Variants in PAFAH1B1 observed in about 807,000 individuals in gnomAD.
PAFAH1B1 encodes the protein platelet-activating factor acetylhydrolase IB subunit beta.
A neutral mutation model predicts 57.5 loss-of-function variants in PAFAH1B1; 2 were observed. That is an observed-to-expected ratio of 0.03 (90% CI 0.01 to 0.11). The LOEUF is 0.11. Among genes scored for constraint, PAFAH1B1 ranks in the 10% least tolerant of loss-of-function variants. The pLI, the probability that PAFAH1B1 is intolerant of heterozygous loss-of-function variation, is 1.00. For missense variants in PAFAH1B1, 257 were observed against 512.0 expected (o/e 0.50, Z 4.81); for synonymous variants, 152 against 169.6 (o/e 0.90, Z 0.81).
intron 2 of PAFAH1B1, among the ~76,000 whole-genome samples, chr17:2,652,147 C>T (rs551384732): frequency 7.6e-5 from 6 of 78,902 alleles, no homozygotes; most frequent in Admixed American, 1.7e-4. Flanking sequence ...CACAGTGGCT[C>T]ACGCCTGTAA....
chr17:2,660,823 C>T (rs968844447), intron 2 of PAFAH1B1, among the ~76,000 whole-genome samples: 2 of 152,202 alleles, frequency 1.3e-5, no homozygotes, highest in African/African-American at 4.8e-5. Context: ...TGAGGAATCA[C>T]CACACTATCT....
At chr17:2,653,472 G>T (rs915276248) in intron 2 of PAFAH1B1, among the ~76,000 whole-genome samples, 1 of 151,694 alleles carries the variant, frequency 6.6e-6, no homozygotes, top group African/African-American at 2.4e-5. Context: ...CTATAATAAG[G>T]CATGAAAGTA....
Position 2,683,205 on chromosome 17 carries a change from A to G in PAFAH1B1, c.*1403A>G, listed in dbSNP as rs2069412441. On this transcript the variant is annotated 3_prime_UTR_variant, in exon 11 of 11. Transcript: ENST00000397195. ...GGATATGTTGTATATTTTGACCCAA[A>G]GTTACAGGTAGGTTTAAGAGAATTT... 1 of 152,178 alleles carries G rather than the reference A, an allele frequency of 6.6e-6. No individual in the cohort carries two copies. The highest frequency in any genetic ancestry group is 2.1e-4 in the South Asian group (1 of 4,834). 9.4% of individuals were successfully genotyped at this position (152,178 alleles called of 1,614,324 possible).
At position 2,602,952 on chromosome 17, in the gene PAFAH1B1, A is replaced by G. The variant is rs373979695; in HGVS notation, c.-191+8946A>G. On this transcript the variant is annotated intron_variant, in intron 1 of 10. Coordinates refer to ENST00000397195, the MANE Select transcript of PAFAH1B1 (RefSeq NM_000430.4). ...GTACTGTGCTGACTCCCTCTTTCCT[A>G]TAGTCCACATACTTTAACACAGTTT... Among the ~76,000 whole-genome samples, 6 of 152,124 alleles carry G rather than the reference A, an allele frequency of 3.9e-5. No homozygotes were observed. The South Asian group carries it at 6.2e-4, about 16-fold the overall frequency.
intron 2 of PAFAH1B1, among the ~76,000 whole-genome samples, chr17:2,651,413 CAA>C (rs1157501996): frequency 0.014 from 725 of 53,312 alleles, 3 homozygotes; most frequent in Middle Eastern, 0.048. Context: ...CCCGTCTCTA[CAA>C]AAAAAAAAAA....
intron 2 of PAFAH1B1, among the ~76,000 whole-genome samples, chr17:2,644,779 G>T (rs2068744500): frequency 6.6e-6 from 1 of 152,020 alleles, no homozygotes; most frequent in African/African-American, 2.4e-5. Context: ...CTGTCTTCCA[G>T]ATGCTTTGTA....
intron 1 of PAFAH1B1, among the ~76,000 whole-genome samples, chr17:2,604,578 A>C (rs1028567599): frequency 2.0e-5 from 3 of 152,030 alleles, no homozygotes; most frequent in Admixed American, 6.6e-5. Context: ...CGAGAGGCTG[A>C]GGTGGGTGGA....
intron 1 of PAFAH1B1, among the ~76,000 whole-genome samples, chr17:2,620,803 G>A (rs1230821907): frequency 2.0e-5 from 3 of 151,784 alleles, no homozygotes; most frequent in African/African-American, 7.3e-5. Flanking sequence ...CAGAGGTTGC[G>A]GTGAGCCGAG....
intron 10 of PAFAH1B1, chr17:2,681,359 A>C (rs1466991558): frequency 6.1e-6 from 1 of 165,120 alleles, no homozygotes; most frequent in African/African-American, 2.4e-5. Context: ...TGAATTGGCA[A>C]ACTAGATACC....
At chr17:2,604,078 G>A (rs1390712406) in intron 1 of PAFAH1B1, among the ~76,000 whole-genome samples, 3 of 148,976 alleles carry the variant, frequency 2.0e-5, no homozygotes, top group African/African-American at 7.5e-5. Context: ...TTGAGGTCTT[G>A]TCGCCCAGGA....
intron 8 of PAFAH1B1, 59 bp downstream of exon 8, chr17:2,674,347 A>G (rs2069231500): frequency 7.7e-7 from 1 of 1,292,172 alleles, no homozygotes; most frequent in East Asian, 2.3e-5. Flanking sequence ...TCCTTAGATA[A>G]CTTTGCTAAT....
chr17:2,646,131 A>T (rs747470641), intron 2 of PAFAH1B1, among the ~76,000 whole-genome samples: 132 of 152,278 alleles, frequency 8.7e-4, no homozygotes, highest in Non-Finnish European at 1.5e-3. Flanking sequence ...GAAAGCAGGA[A>T]AGGGGAAGAA....
chr17:2,621,607 CT>C (rs534219431), intron 1 of PAFAH1B1, among the ~76,000 whole-genome samples: 103 of 84,752 alleles, frequency 1.2e-3, no homozygotes, highest in Admixed American at 1.8e-3. Flanking sequence ...GATAATCTGT[CT>C]TTTTTTTTTT....
At chr17:2,608,205 C>T (rs2068227603) in intron 1 of PAFAH1B1, among the ~76,000 whole-genome samples, 3 of 152,120 alleles carry the variant, frequency 2.0e-5, no homozygotes, top group Admixed American at 2.0e-4. Context: ...CTCCCTCAGC[C>T]TCCTGAGTAG....
intron 1 of PAFAH1B1, among the ~76,000 whole-genome samples, chr17:2,634,085 A>G (rs2068591446): frequency 6.6e-6 from 1 of 150,750 alleles, no homozygotes; most frequent in African/African-American, 2.4e-5. Flanking sequence ...AGTTAATCAT[A>G]CTTTCCTCAT....
intron 1 of PAFAH1B1, among the ~76,000 whole-genome samples, chr17:2,625,943 A>G (rs1413758894): frequency 6.6e-6 from 1 of 152,018 alleles, no homozygotes; most frequent in African/African-American, 2.4e-5. Context: ...ACCCTGTCTC[A>G]AGAAAAACAG....
chr17:2,597,815 CG>C (rs2151606424), intron 1 of PAFAH1B1, among the ~76,000 whole-genome samples: 1 of 151,672 alleles, frequency 6.6e-6, no homozygotes, highest in African/African-American at 2.4e-5. Flanking sequence ...TGTCTGTCTG[CG>C]TATATGAGAC....
chr17:2,679,237 A>G (rs2069324778), intron 9 of PAFAH1B1, among the ~76,000 whole-genome samples: 1 of 152,256 alleles, frequency 6.6e-6, no homozygotes, highest in Non-Finnish European at 1.5e-5. Context: ...ATCTACAGAC[A>G]ATGCTTTGTG....
intron 1 of PAFAH1B1, among the ~76,000 whole-genome samples, chr17:2,594,753 A>C (rs2068066011): frequency 6.6e-6 from 1 of 152,142 alleles, no homozygotes; most frequent in African/African-American, 2.4e-5. Context: ...GATGCTGTTA[A>C]CATTCAGCTT....
Sources: allele counts gnomAD v4.1 joint callset (sites outside exome capture counted in the v4.1 genomes callset), GRCh38; gene constraint gnomAD v4.1.1; transcripts MANE v1.5; gene names NCBI Gene and HGNC (gene_info 2026-07-23, HGNC 2026-07-21).